Variants in GRM7 observed in about 807,000 individuals in gnomAD.
The protein encoded by GRM7 is glutamate metabotropic receptor 7, also known as metabotropic glutamate receptor 7.
In GRM7, 35 loss-of-function variants were observed where a neutral mutation model predicts 84.5. The ratio of observed to expected loss-of-function variants is 0.41; its 90% CI spans 0.32 to 0.55. The LOEUF is 0.55. Among genes scored for constraint, GRM7 ranks in the 20% least tolerant of loss-of-function variants. The pLI, the probability that GRM7 is intolerant of heterozygous loss-of-function variation, is 0.19. For missense variants in GRM7, 1,003 were observed against 1,194.6 expected, an observed-to-expected ratio of 0.84 and a Z score of 2.36; for synonymous variants, 487 against 455.1, an observed-to-expected ratio of 1.07 and a Z score of -0.89.
At chr3:7,094,015 TTTAA>T (rs1335051273) in intron 1 of GRM7, among the ~76,000 whole-genome samples, 1 of 152,194 alleles carries the variant, frequency 6.6e-6, no homozygotes, top group Non-Finnish European at 1.5e-5. Flanking sequence ...TATTGGACTC[TTTAA>T]TTACTCTCTT....
chr3:7,569,622 T>C (rs1375901923), intron 7 of GRM7, among the ~76,000 whole-genome samples: 2 of 152,080 alleles, frequency 1.3e-5, no homozygotes, highest in Admixed American at 6.5e-5. Context: ...CAATAAATCT[T>C]GCTGCTCCTC....
At chr3:7,497,169 G>A (rs1012525906) in intron 7 of GRM7, among the ~76,000 whole-genome samples, 1 of 151,928 alleles carries the variant, frequency 6.6e-6, no homozygotes, top group African/African-American at 2.4e-5. Context: ...CATGATTAGG[G>A]CCAGGCTTTG....
chr3:7,457,226 T>C (rs1698055031), intron 6 of GRM7, among the ~76,000 whole-genome samples: 1 of 152,190 alleles, frequency 6.6e-6, no homozygotes, highest in African/African-American at 2.4e-5. Flanking sequence ...ATTCTGGTCT[T>C]CACATTTGCC....
chr3:6,979,780 C>T (rs1694127891), intron 1 of GRM7, among the ~76,000 whole-genome samples: 1 of 152,102 alleles, frequency 6.6e-6, no homozygotes, highest in Non-Finnish European at 1.5e-5. Context: ...TGCAAATCTG[C>T]AATCACTTTT....
intron 1 of GRM7, among the ~76,000 whole-genome samples, chr3:7,025,691 C>T (rs1318939): frequency 0.99 from 151,282 of 152,274 alleles, 75,154 homozygotes; most frequent in African/African-American, 1. Context: ...CCTTCTGACA[C>T]GTGTGTCTTG....
chr3:7,027,596 T>C (rs1696026538), intron 1 of GRM7, among the ~76,000 whole-genome samples: 1 of 152,100 alleles, frequency 6.6e-6, no homozygotes, highest in Non-Finnish European at 1.5e-5. Flanking sequence ...TTCTGCTGGC[T>C]CTCCACATGT....
At chr3:7,391,816 G>C (rs551923928) in intron 4 of GRM7, among the ~76,000 whole-genome samples, 6 of 151,744 alleles carry the variant, frequency 4.0e-5, no homozygotes, top group Admixed American at 3.3e-4. Context: ...AATGAAGAAC[G>C]ATGAAAAATG....
chr3:7,169,833 A>T (rs1694924646), intron 2 of GRM7, among the ~76,000 whole-genome samples: 1 of 152,242 alleles, frequency 6.6e-6, no homozygotes, highest in Admixed American at 6.5e-5. Context: ...AGATCTACCC[A>T]AGATATAATA....
chr3:6,878,541 TAAA>T (rs1695397246), intron 1 of GRM7, among the ~76,000 whole-genome samples: 1 of 91,072 alleles, frequency 1.1e-5, no homozygotes, highest in South Asian at 3.9e-4. Flanking sequence ...GAGATTAACA[TAAA>T]ATAATAATAA....
intron 7 of GRM7, among the ~76,000 whole-genome samples, chr3:7,547,918 G>A (rs1447408617): frequency 6.6e-6 from 1 of 152,194 alleles, no homozygotes; most frequent in African/African-American, 2.4e-5. Flanking sequence ...CTTTCCAGAA[G>A]AACTTGTTTG....
At chr3:6,917,812 G>A (rs11929063) in intron 1 of GRM7, among the ~76,000 whole-genome samples, 8,891 of 152,108 alleles carry the variant, frequency 0.058, 377 homozygotes, top group East Asian at 0.2. Flanking sequence ...AGGATTTGAG[G>A]CTCATATCTA....
chr3:7,710,096 T>A (rs964561269), intron 9 of GRM7, among the ~76,000 whole-genome samples: 1 of 152,076 alleles, frequency 6.6e-6, no homozygotes, highest in Non-Finnish European at 1.5e-5. Context: ...TATGTGTGTA[T>A]ATATTATTAT....
At position 7,148,723 on chromosome 3, in the gene GRM7, A is replaced by C. The variant is rs564503140; in HGVS notation, c.736+2055A>C. Reference sequence around the variant, plus strand: ...GAGATGCTCTTATAATATGATCTGAACTCCCCAGCTCATATTTTTAGCCAA... The same window carrying C: ...GAGATGCTCTTATAATATGATCTGACCTCCCCAGCTCATATTTTTAGCCAA... On this transcript the variant is annotated intron_variant, in intron 2 of 9. Coordinates refer to ENST00000357716, the MANE Select transcript of GRM7 (RefSeq NM_000844.4). 1.1e-4 allele frequency among the ~76,000 whole-genome samples: 17 copies of C among 152,194 alleles called. No homozygotes were observed. In the East Asian group the frequency reaches 3.1e-3, roughly 28 times the overall value.
chr3:7,315,128 A>T (rs544338995), intron 4 of GRM7, among the ~76,000 whole-genome samples: 1 of 152,296 alleles, frequency 6.6e-6, no homozygotes, highest in South Asian at 2.1e-4. Flanking sequence ...AAAACAAAAC[A>T]AAAAAACACT....
At chr3:7,589,917 C>G (rs1030363893) in intron 8 of GRM7, among the ~76,000 whole-genome samples, 9 of 151,692 alleles carry the variant, frequency 5.9e-5, no homozygotes, top group Non-Finnish European at 1.0e-4. Flanking sequence ...GACTTATAAC[C>G]AACAGTGATT....
At chr3:7,063,657 G>A (rs1697511966) in intron 1 of GRM7, among the ~76,000 whole-genome samples, 1 of 151,596 alleles carries the variant, frequency 6.6e-6, no homozygotes, top group Admixed American at 6.6e-5. Context: ...AAAGTATCTT[G>A]GCTAACACAT....
At chr3:7,258,221 G>GC (rs1247132750) in intron 2 of GRM7, among the ~76,000 whole-genome samples, 12 of 151,982 alleles carry the variant, frequency 7.9e-5, no homozygotes. Context: ...TTCTACCACT[G>GC]CCCCATTTCT....
At chr3:7,394,738 C>T (rs1695139226) in intron 4 of GRM7, among the ~76,000 whole-genome samples, 1 of 152,008 alleles carries the variant, frequency 6.6e-6, no homozygotes. Flanking sequence ...AGTTTGAATT[C>T]ATTAAAAATT....
intron 4 of GRM7, among the ~76,000 whole-genome samples, chr3:7,313,982 T>C (rs1037504190): frequency 1.3e-5 from 2 of 152,178 alleles, no homozygotes; most frequent in Non-Finnish European, 2.9e-5. Context: ...ATTAGAAATG[T>C]ATAAATATTG....
Sources: allele counts gnomAD v4.1 joint callset (sites outside exome capture counted in the v4.1 genomes callset), GRCh38; gene constraint gnomAD v4.1.1; transcripts MANE v1.5; gene names NCBI Gene and HGNC (gene_info 2026-07-23, HGNC 2026-07-21).